The following CRKL variants were observed in gnomAD, a reference collection of about 807,000 sequenced individuals.
CRKL encodes crk-like protein.
CRKL carries 3 observed loss-of-function variants against 23.0 expected under a neutral mutation model. That is an observed-to-expected ratio of 0.13 (90% confidence interval 0.06 to 0.34). The LOEUF is 0.34. Among genes scored for constraint, CRKL ranks in the 10% least tolerant of loss-of-function variants. The pLI, the probability that CRKL is intolerant of heterozygous loss-of-function variation, is 1.00. For synonymous variants in CRKL, 188 were observed against 160.7 expected (o/e 1.17, Z -1.28); for missense variants, 256 against 394.5 (o/e 0.65, Z 2.97).
chr22:20,932,605 A>C (rs548466731), intron 1 of CRKL, among the ~76,000 whole-genome samples: 1 of 152,246 alleles, frequency 6.6e-6, no homozygotes, highest in Non-Finnish European at 1.5e-5. Flanking sequence ...GAGATTATAA[A>C]AATAAATTTA....
chr22:20,924,315 C>A (rs1921111343), intron 1 of CRKL, among the ~76,000 whole-genome samples: 1 of 152,120 alleles, frequency 6.6e-6, no homozygotes, highest in African/African-American at 2.4e-5. Flanking sequence ...AGAAGAGGAG[C>A]CTCACACACC....
chr22:20,921,706 T>C (rs1401982777), intron 1 of CRKL, among the ~76,000 whole-genome samples: 1 of 151,522 alleles, frequency 6.6e-6, no homozygotes, highest in African/African-American at 2.4e-5. Context: ...TTCTTTTCTT[T>C]CTTTCTTTTT....
At chr22:20,941,588 A>ATTTTTT (rs1198699701) in intron 2 of CRKL, among the ~76,000 whole-genome samples, 590 of 33,522 alleles carry the variant, frequency 0.018, 107 homozygotes, top group East Asian at 0.048. Flanking sequence ...GTATATATAT[A>ATTTTTT]TTTTTTTTTT....
intron 2 of CRKL, among the ~76,000 whole-genome samples, chr22:20,937,403 C>T (rs553554904): frequency 1.1e-4 from 16 of 150,636 alleles, no homozygotes; most frequent in African/African-American, 3.2e-4. Flanking sequence ...GGCTCCCAGT[C>T]AGAATTTTAG....
chr22:20,930,035 G>A (rs1488860209), intron 1 of CRKL, among the ~76,000 whole-genome samples: 1 of 152,186 alleles, frequency 6.6e-6, no homozygotes, highest in African/African-American at 2.4e-5. Context: ...GTTATGGCTG[G>A]TGAGATTGAT....
At position 20,950,120 on chromosome 22, in the gene CRKL, A is replaced by T. The variant is rs737894; in HGVS notation, c.*275A>T. On this transcript the variant is annotated 3_prime_UTR_variant, in exon 3 of 3. Transcript: ENST00000354336. ...AGCACACAAGTGGAGAGAAGTTGAC[A>T]TGGAAAGGGTCTTCCTTCTCATTGC... is the stretch of plus-strand genomic sequence containing the variant. 5 of 412,976 alleles carry T rather than the reference A, an allele frequency of 1.2e-5. No individual in the cohort carries two copies. The highest frequency in any genetic ancestry group is 1.3e-5 in the Non-Finnish European group (3 of 234,492). 25.6% of individuals were successfully genotyped at this position (412,976 alleles called of 1,614,324 possible).
intron 2 of CRKL, among the ~76,000 whole-genome samples, chr22:20,940,566 C>CTTTT (rs55853175): frequency 5.9e-5 from 8 of 134,922 alleles, no homozygotes; most frequent in African/African-American, 9.1e-5. Context: ...TTTGGTGCTC[C>CTTTT]TTTTTTTTTT....
chr22:20,950,003 G>T lies in CRKL; in HGVS notation c.*158G>T. On this transcript the variant is annotated 3_prime_UTR_variant, in exon 3 of 3. Coordinates refer to ENST00000354336, the MANE Select transcript of CRKL (RefSeq NM_005207.4). ...CACACACATTTGGAATGCACACAGC[G>T]GCTGCCTCCTGATGTTTGTATCATA... The T allele has an allele frequency of 1.1e-6, 1 of 916,668 alleles. No homozygotes were observed. The highest frequency in any genetic ancestry group is 2.7e-5 in the East Asian group (1 of 36,706). 56.8% of individuals were successfully genotyped at this position (916,668 alleles called of 1,614,324 possible). A position where few individuals can be genotyped will look rare whatever the true frequency, so the allele number is the denominator to read the frequency against.
In CRKL at chr22:20,928,987, C is replaced by T. The variant is rs1033052146; in HGVS notation, c.312-4792C>T. ...GGTTTATACATGTAGAAACTGAGAA[C>T]GCTTTTAACCAAAAGAGCTGAGAGA... On this transcript the variant is annotated intron_variant, in intron 1 of 2. Coordinates refer to ENST00000354336, the MANE Select transcript of CRKL (RefSeq NM_005207.4). Among the ~76,000 whole-genome samples the T allele has an allele frequency of 5.3e-5, 8 of 152,086 alleles. No homozygotes were observed. In the East Asian group the frequency reaches 9.7e-4, roughly 18 times the overall value.
At chr22:20,939,920 C>G (rs1601682884) in intron 2 of CRKL, among the ~76,000 whole-genome samples, 1 of 151,654 alleles carries the variant, frequency 6.6e-6, no homozygotes, top group Non-Finnish European at 1.5e-5. Flanking sequence ...TCCTGAGTAG[C>G]TGGGATTACA....
chr22:20,939,956 A>G (rs925000084), intron 2 of CRKL, among the ~76,000 whole-genome samples: 4 of 151,454 alleles, frequency 2.6e-5, no homozygotes, highest in African/African-American at 4.9e-5. Flanking sequence ...CGCCTGGCTA[A>G]TTTTTTTATT....
chr22:20,930,162 C>T (rs914361533), intron 1 of CRKL, among the ~76,000 whole-genome samples: 3 of 152,132 alleles, frequency 2.0e-5, no homozygotes, highest in Admixed American at 6.6e-5. Flanking sequence ...AATTTCTACA[C>T]AGACATACCC....
At chr22:20,935,703 T>C (rs1227140385) in intron 2 of CRKL, among the ~76,000 whole-genome samples, 2 of 151,796 alleles carry the variant, frequency 1.3e-5, no homozygotes, top group Non-Finnish European at 2.9e-5. Flanking sequence ...TTTTTGTATT[T>C]TTAGTAGAGA....
intron 2 of CRKL, among the ~76,000 whole-genome samples, chr22:20,940,759 G>T (rs902006093): frequency 2.0e-5 from 3 of 151,834 alleles, no homozygotes; most frequent in Non-Finnish European, 4.4e-5. Context: ...ATTACATCTG[G>T]TCTCTGTGTC....
At chr22:20,927,236 G>A (rs1481146047) in intron 1 of CRKL, among the ~76,000 whole-genome samples, 2 of 105,380 alleles carry the variant, frequency 1.9e-5, no homozygotes, top group African/African-American at 8.3e-5. Flanking sequence ...TGTCGCCCAG[G>A]CTGAAGTGCA....
intron 1 of CRKL, among the ~76,000 whole-genome samples, chr22:20,919,236 G>A (rs769605784): frequency 3.9e-5 from 6 of 152,080 alleles, no homozygotes; most frequent in Non-Finnish European, 7.4e-5. Flanking sequence ...ATAAGAGAAG[G>A]TGCATTGGCT....
chr22:20,939,324 T>A (rs961777771), intron 2 of CRKL, among the ~76,000 whole-genome samples: 5 of 139,558 alleles, frequency 3.6e-5, no homozygotes, highest in Admixed American at 7.7e-5. Context: ...CACTGCAAGC[T>A]CCGCCTCCCG....
At chr22:20,944,927 G>A (rs991461968) in intron 2 of CRKL, among the ~76,000 whole-genome samples, 4 of 63,204 alleles carry the variant, frequency 6.3e-5, no homozygotes, top group African/African-American at 1.7e-4. Context: ...ATGTTGCCCA[G>A]CATGATCTTG....
rs55778752 is a variant in CRKL, at chr22:20,953,424, AAACAAC to A, written c.*3602_*3607del. On this transcript the variant is annotated 3_prime_UTR_variant, in exon 3 of 3. Coordinates refer to ENST00000354336, the MANE Select transcript of CRKL (RefSeq NM_005207.4). ...TAGACGGTCTTCACTGTGTGTTTTA[AAACAAC>A]AACAACAACAACAACAACAACATAA... 3.4e-3 allele frequency: 760 copies of A among 226,090 alleles called. 5 individuals are homozygous for A. The highest frequency in any genetic ancestry group is 9.3e-3 in the African/African-American group (419 of 44,832). The allele number at this position is 226,090 out of a possible 1,614,324, so 14.0% of individuals were successfully genotyped here. A position where few individuals can be genotyped will look rare whatever the true frequency, so the allele number is the denominator to read the frequency against.
Sources: allele counts gnomAD v4.1 joint callset (sites outside exome capture counted in the v4.1 genomes callset), GRCh38; gene constraint gnomAD v4.1.1; transcripts MANE v1.5; gene names NCBI Gene and HGNC (gene_info 2026-07-23, HGNC 2026-07-21).